The following JADE2 variants were observed in gnomAD, a reference collection of about 807,000 sequenced individuals.
JADE2 encodes the protein jade family PHD finger 2.
Under a neutral mutation model 85.7 loss-of-function variants are expected in JADE2, and 13 were observed. That is an observed-to-expected ratio of 0.15 (90% CI 0.10 to 0.24). The LOEUF is 0.24. JADE2 is among the 10% of genes least tolerant of loss of function. The pLI is 1.00. For synonymous variants in JADE2, 440 were observed against 456.1 expected, an observed-to-expected ratio of 0.96 and a Z score of 0.45; for missense variants, 846 against 1,115.9, an observed-to-expected ratio of 0.76 and a Z score of 3.45.
chr5:134,533,073 G>A (rs1761353299), intron 1 of JADE2, among the ~76,000 whole-genome samples: 1 of 152,204 alleles, frequency 6.6e-6, no homozygotes, highest in Non-Finnish European at 1.5e-5. Context: ...GCTTGGTGCG[G>A]GGTGTAGGTC....
Position 134,582,448 on chromosome 5 carries a change from G to A in JADE2, c.*3131G>A, listed in dbSNP as rs530573828. 6 of 152,180 alleles carry A rather than the reference G, an allele frequency of 3.9e-5. No individual in the cohort carries two copies. Among genetic ancestry groups the A allele is most frequent in the Admixed American group, 3.3e-4 (5 of 15,290 alleles). 9.4% of individuals were successfully genotyped at this position (152,180 alleles called of 1,614,324 possible). A position where few individuals can be genotyped will look rare whatever the true frequency, so the allele number is the denominator to read the frequency against. On this transcript the variant is annotated 3_prime_UTR_variant, in exon 12 of 12. Transcript: ENST00000681547. ...TGTATGGGCACACTGGGACTAGCTG[G>A]GACAATTCCTAGAGATTCAACTGCC...
chr5:134,544,007 C>T (rs541406587), intron 3 of JADE2, among the ~76,000 whole-genome samples: 121 of 152,346 alleles, frequency 7.9e-4, no homozygotes, highest in Admixed American at 1.9e-3. Context: ...GACCTGGAGG[C>T]CAGCCGCATG....
chr5:134,562,405 C>T lies in JADE2; in HGVS notation c.852+38C>T, dbSNP rs1286495954. The T allele has an allele frequency of 6.4e-7, 1 of 1,572,256 alleles. No homozygotes were observed. Among genetic ancestry groups the T allele is most frequent in the Admixed American group, 1.8e-5 (1 of 57,056 alleles). ...GGAGGTGAGGCAGCCCAAGGAATAG[C>T]CCGTGGGGAAGTGGGTCTGCATGGG... On this transcript the variant is annotated intron_variant, in intron 7 of 11. Transcript: ENST00000681547. The surrounding 1 kb of genome is among the most constrained non-coding windows in gnomAD (Gnocchi z 4.6).
At chr5:134,570,483 G>C (rs368269946) in intron 9 of JADE2, among the ~76,000 whole-genome samples, 1 of 151,952 alleles carries the variant, frequency 6.6e-6, no homozygotes, top group South Asian at 2.1e-4. Flanking sequence ...CCCTCTAGTC[G>C]TGGGTTCCTC....
intron 3 of JADE2, among the ~76,000 whole-genome samples, chr5:134,548,741 G>T (rs1213825535): frequency 6.6e-6 from 1 of 152,050 alleles, no homozygotes; most frequent in Non-Finnish European, 1.5e-5. Context: ...CTGGTTCTGG[G>T]TCTGGACCAC....
chr5:134,566,240 G>A lies in JADE2; in HGVS notation c.1094G>A (p.Ser365Asn). ...VKFKSFCQEH[S>N]DGGPRNEPTS... is the part of the protein sequence containing the mutation. Reference sequence around the variant, plus strand: ...TTCAAGTCATTCTGCCAGGAGCACAGTGACGGGGGCCCACGTAATGAGCCC... The same window carrying A: ...TTCAAGTCATTCTGCCAGGAGCACAATGACGGGGGCCCACGTAATGAGCCC... Residue 365 changes from serine to asparagine, a missense_variant, in exon 9 of 12, where the codon AGT (serine) becomes AAT (asparagine). Around this residue, in one of 9 missense-constraint regions of JADE2, gnomAD observed 39 missense variants for 37.6 expected, o/e 1.04. Transcript: ENST00000681547. This position sits in a 1 kb window ranked among gnomAD's most constrained non-coding sequence, Gnocchi z 6.7. 2 of 1,614,156 alleles carry A rather than the reference G, an allele frequency of 1.2e-6. No individual in the cohort carries two copies. The highest frequency in any genetic ancestry group is 2.2e-5 in the East Asian group (1 of 44,858).
In JADE2 at chr5:134,562,427, T is replaced by C; in HGVS notation, c.852+60T>C. The C allele has an allele frequency of 6.7e-7, 1 of 1,501,124 alleles. No homozygotes were observed. Among genetic ancestry groups the C allele is most frequent in the Admixed American group, 1.8e-5 (1 of 54,186 alleles). The allele number at this position is 1,501,124 out of a possible 1,614,324, so 93.0% of individuals were successfully genotyped here. A position where few individuals can be genotyped will look rare whatever the true frequency, so the allele number is the denominator to read the frequency against. On this transcript the variant is annotated intron_variant, in intron 7 of 11. Coordinates refer to ENST00000681547, the MANE Select transcript of JADE2 (RefSeq NM_001388185.1). This position sits in a 1 kb window ranked among gnomAD's most constrained non-coding sequence, Gnocchi z 4.6. ...TAGCCCGTGGGGAAGTGGGTCTGCATGGGACTCAGGTAGCAGAGCACTGGG... is the reference window on the plus strand; with the variant it reads ...TAGCCCGTGGGGAAGTGGGTCTGCACGGGACTCAGGTAGCAGAGCACTGGG...
At chr5:134,553,813 A>G (rs888876813) in intron 4 of JADE2, among the ~76,000 whole-genome samples, 1 of 151,930 alleles carries the variant, frequency 6.6e-6, no homozygotes, top group Non-Finnish European at 1.5e-5. Flanking sequence ...TGGGCTTTAT[A>G]CTCTTCTGGT....
Position 134,525,925 on chromosome 5 carries a change from C to G in JADE2, c.-87C>G, listed in dbSNP as rs994061824. On this transcript the variant is annotated 5_prime_UTR_variant, in exon 1 of 12. Transcript: ENST00000681547. ...CTCCCGCGCCGGCCCCAGGAGCTCC[C>G]GGCTTCGGGAGCATCCTTCCCGCGC... The G allele has an allele frequency of 2.4e-5, 24 of 985,704 alleles. No individual in the cohort carries two copies. The highest frequency in any genetic ancestry group is 2.9e-5 in the Non-Finnish European group (24 of 830,412). 61.1% of individuals were successfully genotyped at this position (985,704 alleles called of 1,614,324 possible).
intron 5 of JADE2, 94 bp from the exon 6 acceptor site, chr5:134,560,652 C>A (rs1763264753): frequency 9.4e-7 from 1 of 1,068,830 alleles, no homozygotes; most frequent in Non-Finnish European, 1.4e-6. Flanking sequence ...AGACATCTGC[C>A]CTGAATTCCT....
chr5:134,556,397 C>A (rs1004197139), intron 4 of JADE2, among the ~76,000 whole-genome samples: 3 of 152,138 alleles, frequency 2.0e-5, no homozygotes, highest in African/African-American at 4.8e-5. Context: ...AGAGGGGTAA[C>A]ATCCCAAGGT....
chr5:134,561,296 G>T (rs561339833), intron 6 of JADE2, among the ~76,000 whole-genome samples: 1 of 152,334 alleles, frequency 6.6e-6, no homozygotes, highest in South Asian at 2.1e-4. Context: ...GAGCAAAGCT[G>T]CCAGATTTCA....
chr5:134,538,803 C>T (rs914822969), intron 3 of JADE2, among the ~76,000 whole-genome samples: 1 of 151,686 alleles, frequency 6.6e-6, no homozygotes, highest in Non-Finnish European at 1.5e-5. Context: ...GCCTTTGGCA[C>T]AGATGGGGCT....
chr5:134,525,239 G>A (rs1760725512), upstream of JADE2, among the ~76,000 whole-genome samples: 2 of 151,732 alleles, frequency 1.3e-5, no homozygotes, highest in African/African-American at 4.8e-5. Context: ...TGAGCAGAAA[G>A]TGTGAGTGAA....
chr5:134,541,261 A>G (rs146961619), intron 3 of JADE2, among the ~76,000 whole-genome samples: 111 of 152,360 alleles, frequency 7.3e-4, no homozygotes, highest in African/African-American at 2.6e-3. Flanking sequence ...CCTCTAAGTG[A>G]CAAGGTTGAG....
At chr5:134,537,513 G>C (rs545374845) in intron 2 of JADE2, among the ~76,000 whole-genome samples, 1 of 152,180 alleles carries the variant, frequency 6.6e-6, no homozygotes, top group Non-Finnish European at 1.5e-5. Context: ...GGGGTGACAA[G>C]CTAGTAAGTG....
In JADE2 at chr5:134,581,603, C is replaced by T. The variant is rs956817437; in HGVS notation, c.*2286C>T. ...GGGTGCAACGAGTCTGGCCCCTTGCCTCGGGCTGGCTGGTGTTCTTCCAAG... is the reference window on the plus strand; with the variant it reads ...GGGTGCAACGAGTCTGGCCCCTTGCTTCGGGCTGGCTGGTGTTCTTCCAAG... On this transcript the variant is annotated 3_prime_UTR_variant, in exon 12 of 12. Coordinates refer to ENST00000681547, the MANE Select transcript of JADE2 (RefSeq NM_001388185.1). 1 of 152,916 alleles carries T rather than the reference C, an allele frequency of 6.5e-6. No individual in the cohort carries two copies. Among genetic ancestry groups the T allele is most frequent in the Admixed American group, 6.5e-5 (1 of 15,304 alleles). The allele number at this position is 152,916 out of a possible 1,614,324, so 9.5% of individuals were successfully genotyped here.
chr5:134,535,425 T>G (rs1471793334), intron 1 of JADE2, among the ~76,000 whole-genome samples: 2 of 152,198 alleles, frequency 1.3e-5, no homozygotes, highest in African/African-American at 4.8e-5. Context: ...ATGGTCCTCC[T>G]GGAAGAATCA....
chr5:134,566,043 G>A lies in JADE2; in HGVS notation c.970-73G>A, dbSNP rs1763620897. On this transcript the variant is annotated intron_variant, in intron 8 of 11. Transcript: ENST00000681547. The surrounding 1 kb of genome is among the most constrained non-coding windows in gnomAD (Gnocchi z 6.7). ...TTGCGCATTCTCAGTAGAGCCCTGG[G>A]GGAAGCCCCTCTGTCTTCTCCCCTC... 1 of 1,322,568 alleles carries A rather than the reference G, an allele frequency of 7.6e-7. No homozygotes were observed. Among genetic ancestry groups the A allele is most frequent in the African/African-American group, 1.5e-5 (1 of 68,826 alleles). The allele number at this position is 1,322,568 out of a possible 1,614,324, so 81.9% of individuals were successfully genotyped here. A position where few individuals can be genotyped will look rare whatever the true frequency, so the allele number is the denominator to read the frequency against.
Sources: allele counts gnomAD v4.1 joint callset (sites outside exome capture counted in the v4.1 genomes callset), GRCh38; gene constraint gnomAD v4.1.1; regional missense constraint gnomAD v4.1.1; non-coding constraint Gnocchi (gnomAD v3.1); transcripts MANE v1.5; gene names NCBI Gene and HGNC (gene_info 2026-07-23, HGNC 2026-07-21).